The following CCDC63 variants were observed in gnomAD, a reference collection of about 807,000 sequenced individuals.
CCDC63 encodes coiled-coil domain-containing protein 63.
In CCDC63, 54 loss-of-function variants were observed where a neutral mutation model predicts 63.6. The observed-to-expected ratio is 0.85, with a 90% CI of 0.68 to 1.07. The LOEUF is 1.07. Among genes scored for constraint, CCDC63 ranks in the 50% least tolerant of loss-of-function variants. The pLI is 0.00. For missense variants in CCDC63, 637 were observed against 689.6 expected (o/e 0.92, Z 0.86); for synonymous variants, 253 against 266.1 (o/e 0.95, Z 0.48).
chr12:110,901,337 A>T (rs1282189973), intron 10 of CCDC63, among the ~76,000 whole-genome samples: 3 of 152,190 alleles, frequency 2.0e-5, no homozygotes, highest in Non-Finnish European at 4.4e-5. Flanking sequence ...TATTTTGACT[A>T]TAGTCACCCT....
At chr12:110,864,536 T>C (rs2070912578) in intron 4 of CCDC63, among the ~76,000 whole-genome samples, 1 of 151,910 alleles carries the variant, frequency 6.6e-6, no homozygotes, top group South Asian at 2.1e-4. Context: ...CAGACCAGCC[T>C]GGCCAACATG....
intron 8 of CCDC63, among the ~76,000 whole-genome samples, chr12:110,885,025 T>C (rs963242521): frequency 1.3e-5 from 2 of 152,086 alleles, no homozygotes; most frequent in Admixed American, 6.6e-5. Flanking sequence ...AATGTATAGA[T>C]ACATTTCATG....
At position 110,852,901 on chromosome 12, in the gene CCDC63, T is replaced by C. The variant is rs1261741448; in HGVS notation, c.-54T>C. The C allele has an allele frequency of 6.2e-6, 10 of 1,613,862 alleles. No individual in the cohort carries two copies. In the South Asian group the frequency reaches 8.8e-5, roughly 14 times the overall value. On this transcript the variant is annotated 5_prime_UTR_variant, in exon 2 of 12. Transcript: ENST00000308208. ...GAGAGAGAGAGGAAGGCTCACTGGC[T>C]TTGAGCTCTCTGGGTACAGTGTCTG...
At chr12:110,894,401 G>C (rs1375908586) in intron 9 of CCDC63, among the ~76,000 whole-genome samples, 1 of 152,186 alleles carries the variant, frequency 6.6e-6, no homozygotes, top group Admixed American at 6.5e-5. Context: ...TATAAGGAAA[G>C]AGTGGATAGC....
At chr12:110,885,049 C>T (rs978625680) in intron 8 of CCDC63, among the ~76,000 whole-genome samples, 13 of 152,008 alleles carry the variant, frequency 8.6e-5, no homozygotes, top group African/African-American at 3.1e-4. Flanking sequence ...TCATGTCCCC[C>T]AACCCAATAG....
rs973822774 is a variant in CCDC63, at chr12:110,852,905, A to G, written c.-50A>G. ...GAGAGAGGAAGGCTCACTGGCTTTG[A>G]GCTCTCTGGGTACAGTGTCTGAGTG... is the stretch of plus-strand genomic sequence containing the variant. On this transcript the variant is annotated 5_prime_UTR_variant, in exon 2 of 12. Coordinates refer to ENST00000308208, the MANE Select transcript of CCDC63 (RefSeq NM_152591.3). 1.2e-6 allele frequency: 2 copies of G among 1,613,970 alleles called. No individual in the cohort carries two copies. Among genetic ancestry groups the G allele is most frequent in the African/African-American group, 1.3e-5 (1 of 74,978 alleles).
upstream of CCDC63, among the ~76,000 whole-genome samples, chr12:110,846,314 G>T (rs1566111176): frequency 6.6e-6 from 1 of 152,172 alleles, no homozygotes; most frequent in African/African-American, 2.4e-5. Context: ...CCCAGAGAAA[G>T]TAGTTGACTT....
At position 110,879,903 on chromosome 12, in the gene CCDC63, C is replaced by T; in HGVS notation, c.490-3C>T. 1 of 1,613,896 alleles carries T rather than the reference C, an allele frequency of 6.2e-7. No homozygotes were observed. On this transcript the variant is annotated splice_polypyrimidine_tract_variant and splice_region_variant and intron_variant, in intron 5 of 11. Coordinates refer to ENST00000308208, the MANE Select transcript of CCDC63 (RefSeq NM_152591.3). ...CTGTTTTGAAGCATGGCCCTTTCAA[C>T]AGGTCACTGTTCACTTTGACAAGAT...
At chr12:110,884,841 G>A (rs1005700444) in intron 8 of CCDC63, among the ~76,000 whole-genome samples, 2 of 145,436 alleles carry the variant, frequency 1.4e-5, no homozygotes, top group African/African-American at 5.1e-5. Flanking sequence ...TGCCCGCCAC[G>A]ACGCCCTGCT....
At chr12:110,858,110 T>G (rs1432184258) in intron 3 of CCDC63, among the ~76,000 whole-genome samples, 3 of 137,792 alleles carry the variant, frequency 2.2e-5, no homozygotes, top group Non-Finnish European at 4.6e-5. Context: ...TGTCTCAAAA[T>G]ATAAAATAAA....
intron 7 of CCDC63, 116 bp from the exon 8 acceptor site, chr12:110,883,914 A>T (rs2071242175): frequency 1.2e-6 from 1 of 811,258 alleles, no homozygotes; most frequent in East Asian, 2.5e-5. Flanking sequence ...TGTTGGGATT[A>T]CAGGCGTGAG....
chr12:110,868,540 G>A (rs1225945431), intron 4 of CCDC63, among the ~76,000 whole-genome samples: 4 of 151,012 alleles, frequency 2.6e-5, no homozygotes. Flanking sequence ...GACCGGCCCG[G>A]CCAACACAGC....
At position 110,898,952 on chromosome 12, in the gene CCDC63, C is replaced by A. The variant is rs747278168; in HGVS notation, c.1169C>A (p.Thr390Lys). The part of the protein sequence containing the change: ...RQLEDKLRKT[T>K]EEADMYESKY... ...CACCAGGATAAACTGAGGAAGACCA[C>A]GGAGGAGGCAGATATGTATGAGAGC... is the stretch of plus-strand genomic sequence containing the variant. The change falls in exon 10 of 12, where the codon ACG becomes AAG. Residue 390 changes from threonine to lysine, a missense_variant. Transcript: ENST00000308208. The A allele has an allele frequency of 5.0e-5, 80 of 1,605,334 alleles. No individual in the cohort carries two copies. In the South Asian group the frequency reaches 8.6e-4, roughly 17 times the overall value.
Position 110,884,014 on chromosome 12 carries a change from AT to A in CCDC63, c.854-11del. On this transcript the variant is annotated splice_polypyrimidine_tract_variant and intron_variant, in intron 7 of 11. Coordinates refer to ENST00000308208, the MANE Select transcript of CCDC63 (RefSeq NM_152591.3). The stretch of plus-strand genomic sequence containing the variant: ...TTCCTTTTGAGTGTCACAGTGGCTG[AT>A]TTTTCCTTTCCTAGCTCTCAAGGCA... The A allele has an allele frequency of 1.9e-6, 3 of 1,609,044 alleles. No individual in the cohort carries two copies. The highest frequency in any genetic ancestry group is 1.1e-5 in the South Asian group (1 of 90,948).
At chr12:110,901,144 T>G (rs2071480970) in intron 10 of CCDC63, among the ~76,000 whole-genome samples, 1 of 152,218 alleles carries the variant, frequency 6.6e-6, no homozygotes, top group Non-Finnish European at 1.5e-5. Flanking sequence ...TTAAAATTTT[T>G]TTTAAATTTT....
intron 2 of CCDC63, 109 bp downstream of exon 2, chr12:110,853,072 C>G: frequency 8.2e-7 from 1 of 1,226,028 alleles, no homozygotes; most frequent in Non-Finnish European, 1.2e-6. Flanking sequence ...TCTGTGCTCA[C>G]CCATTTTGTA....
At position 110,904,713 on chromosome 12, in the gene CCDC63, C is replaced by T. The variant is rs1174430794; in HGVS notation, c.1468C>T (p.Leu490Phe). The part of the protein sequence containing the change: ...FINPFWGGSA[L>F]LKPPEPIKVI... ...CAACCCTTTCTGGGGTGGCTCTGCCCTCCTCAAGCCCCCAGAACCCATCAA... is the reference window on the plus strand; with the variant it reads ...CAACCCTTTCTGGGGTGGCTCTGCCTTCCTCAAGCCCCCAGAACCCATCAA... The change falls in exon 11 of 12, where the codon CTC becomes TTC. Residue 490 changes from leucine to phenylalanine, a missense_variant. By Grantham distance (22) the Leu-to-Phe change is conservative. Coordinates refer to ENST00000308208, the MANE Select transcript of CCDC63 (RefSeq NM_152591.3). 1.2e-6 allele frequency: 2 copies of T among 1,614,080 alleles called. No homozygotes were observed. The highest frequency in any genetic ancestry group is 1.7e-5 in the Admixed American group (1 of 60,016).
intron 10 of CCDC63, among the ~76,000 whole-genome samples, chr12:110,901,587 C>T (rs762919241): frequency 7.2e-5 from 11 of 152,044 alleles, no homozygotes; most frequent in Non-Finnish European, 1.3e-4. Flanking sequence ...TCCCACCTGC[C>T]ACTGACCTTC....
intron 3 of CCDC63, among the ~76,000 whole-genome samples, chr12:110,854,293 C>CTTTTT (rs34749124): frequency 3.9e-5 from 4 of 101,586 alleles, no homozygotes; most frequent in Admixed American, 1.2e-4. Flanking sequence ...TTTCTTTTCT[C>CTTTTT]TTTTTTTTTT....
Sources: allele counts gnomAD v4.1 joint callset (sites outside exome capture counted in the v4.1 genomes callset), GRCh38; gene constraint gnomAD v4.1.1; transcripts MANE v1.5; gene names NCBI Gene and HGNC (gene_info 2026-07-23, HGNC 2026-07-21).